TRHDE: variants seen among roughly 807,000 people sequenced by gnomAD.
TRHDE encodes thyrotropin-releasing hormone-degrading ectoenzyme.
Under a neutral mutation model 125.7 loss-of-function variants are expected in TRHDE, and 72 were observed. That is an observed-to-expected ratio of 0.57 (90% CI 0.47 to 0.70). The LOEUF (loss-of-function observed/expected upper bound fraction) is 0.70, where lower values mean the gene tolerates loss of function less well. Ranked by LOEUF, TRHDE falls within the 30% of genes least tolerant of loss-of-function variation. The pLI is 0.00. For synonymous variants in TRHDE, 509 were observed against 509.1 expected (o/e 1.00, Z 0.00); for missense variants, 1,110 against 1,327.1 (o/e 0.84, Z 2.54).
At chr12:72,314,955 CT>C (rs2135703676) in intron 2 of TRHDE, among the ~76,000 whole-genome samples, 1 of 152,182 alleles carries the variant, frequency 6.6e-6, no homozygotes, top group Non-Finnish European at 1.5e-5. Context: ...CCACAAATAC[CT>C]TTTAATATAA....
At chr12:72,268,204 A>G (rs1035607746), upstream of TRHDE, among the ~76,000 whole-genome samples, 1 of 152,102 alleles carries the variant, frequency 6.6e-6, no homozygotes, top group African/African-American at 2.4e-5. Flanking sequence ...TCAGAAACAT[A>G]TCCCTCTCAT....
At chr12:72,163,013 C>T (rs593263) in intron 2 of TRHDE, 3 of 150,852 alleles carry the variant, frequency 2.0e-5, no homozygotes, top group Admixed American at 6.6e-5. Context: ...ATTTCTACAA[C>T]TGTTCTCGAA....
At chr12:72,111,106 C>T (rs1385319) in intron 2 of TRHDE, among the ~76,000 whole-genome samples, 108,307 of 152,040 alleles carry the variant, frequency 0.71, 39,943 homozygotes, top group Non-Finnish European at 0.81. Context: ...GAATCTGAGG[C>T]ACACTTTAGT....
At chr12:72,246,353 A>G (rs1878576371) in intron 2 of TRHDE, among the ~76,000 whole-genome samples, 3 of 152,176 alleles carry the variant, frequency 2.0e-5, no homozygotes. Context: ...GTGAGAAGTG[A>G]CATGCACTTA....
Position 72,555,466 on chromosome 12 carries a change from A to G in TRHDE, c.1789-6699A>G, listed in dbSNP as rs980645706. On this transcript the variant is annotated intron_variant, in intron 7 of 18. Transcript: ENST00000261180. ...TGGAAACCTAATATAATTTAATAAT[A>G]AAGGTTTCAATAATTATACCTTTTC... 1.2e-4 allele frequency among the ~76,000 whole-genome samples: 7 copies of G among 58,820 alleles called. No homozygotes were observed. The African/African-American group carries it at 1.6e-3, about 14-fold the overall frequency. 38.6% of individuals were successfully genotyped at this position (58,820 alleles called of 152,430 possible).
At chr12:72,091,237 ATGGACCCCTCTGAGAG>A (rs1413309733) in intron 1 of TRHDE, among the ~76,000 whole-genome samples, 1 of 152,014 alleles carries the variant, frequency 6.6e-6, no homozygotes, top group East Asian at 1.9e-4. Context: ...TTCTTGCATT[ATGGACCCCTCTGAGAG>A]TGTAATAAAA....
intron 5 of TRHDE, among the ~76,000 whole-genome samples, chr12:72,495,132 CCT>C (rs1285001481): frequency 9.3e-6 from 1 of 107,662 alleles, no homozygotes; most frequent in Non-Finnish European, 1.8e-5. Context: ...CTGAGTATTT[CCT>C]CTCTTTCATC....
At chr12:72,535,679 T>A (rs531294287) in intron 6 of TRHDE, among the ~76,000 whole-genome samples, 3 of 151,866 alleles carry the variant, frequency 2.0e-5, no homozygotes, top group Non-Finnish European at 4.4e-5. Context: ...AGCTATCATA[T>A]TATTATGGAA....
chr12:72,345,270 A>T (rs1870265992), intron 2 of TRHDE, among the ~76,000 whole-genome samples: 2 of 152,228 alleles, frequency 1.3e-5, no homozygotes, highest in South Asian at 4.1e-4. Context: ...TAGACAATGA[A>T]GAAAAAATAA....
intron 3 of TRHDE, among the ~76,000 whole-genome samples, chr12:72,435,199 A>T (rs1874684599): frequency 6.6e-6 from 1 of 152,244 alleles, no homozygotes; most frequent in African/African-American, 2.4e-5. Context: ...ACGAATTAAA[A>T]AGAAATTCTG....
intron 3 of TRHDE, among the ~76,000 whole-genome samples, chr12:72,463,809 G>T (rs1466939945): frequency 6.6e-6 from 1 of 152,122 alleles, no homozygotes; most frequent in Admixed American, 6.6e-5. Flanking sequence ...ATATTAGAGT[G>T]CATTTCTAGC....
intron 2 of TRHDE, among the ~76,000 whole-genome samples, chr12:72,318,637 A>G (rs1349361858): frequency 6.6e-6 from 1 of 152,086 alleles, no homozygotes; most frequent in Non-Finnish European, 1.5e-5. Context: ...AGTTGCTAGG[A>G]GTGCAGTGTA....
rs977533192 is a variant in TRHDE, at chr12:72,272,384, G to A, written c.-260G>A. On this transcript the variant is annotated 5_prime_UTR_variant, in exon 1 of 19. Transcript: ENST00000261180. The surrounding 1 kb of genome is among the most constrained non-coding windows in gnomAD (Gnocchi z 6.7). ...GGTGCTCGTCCGAGAAGTAGCGCGC[G>A]CTGGGCAAGCAAGACGCTTTCCAAG... is the stretch of plus-strand genomic sequence containing the variant. The A allele has an allele frequency of 1.8e-5, 7 of 386,342 alleles. No homozygotes were observed. Among genetic ancestry groups the A allele is most frequent in the Non-Finnish European group, 3.5e-5 (7 of 200,782 alleles). The allele number at this position is 386,342 out of a possible 1,614,324, so 23.9% of individuals were successfully genotyped here. A position where few individuals can be genotyped will look rare whatever the true frequency, so the allele number is the denominator to read the frequency against.
chr12:72,235,470 A>G (rs1276353129), intron 2 of TRHDE, among the ~76,000 whole-genome samples: 1 of 152,174 alleles, frequency 6.6e-6, no homozygotes, highest in African/African-American at 2.4e-5. Context: ...ACTCTTAACC[A>G]TACTACGCTA....
In TRHDE at chr12:72,273,151, C is replaced by T. The variant is rs767570436; in HGVS notation, c.508C>T (p.Pro170Ser). The change falls in exon 1 of 19, where the codon CCG (proline) becomes TCG (serine). Residue 170 changes from proline (P) to serine (S), a missense_variant. Transcript: ENST00000261180. This position sits in a 1 kb window ranked among gnomAD's most constrained non-coding sequence, Gnocchi z 5.3. ...ASPGTTSAQP[P>S]SEEEREPWEP... ...TCCGGGGACCACGTCGGCCCAGCCG[C>T]CGTCGGAGGAGGAGCGGGAGCCGTG... 60 of 1,573,130 alleles carry T rather than the reference C, an allele frequency of 3.8e-5. No individual in the cohort carries two copies. The highest frequency in any genetic ancestry group is 4.7e-5 in the Non-Finnish European group (54 of 1,157,798).
chr12:72,315,209 C>T lies in TRHDE; in HGVS notation c.1188+28255C>T, dbSNP rs1363022054. ...TTTTCTCAGCTACTTGCCTCAAACC[C>T]TTTGCATAATTTAGGTGAGGAAGAT... On this transcript the variant is annotated intron_variant, in intron 2 of 18. Coordinates refer to ENST00000261180, the MANE Select transcript of TRHDE (RefSeq NM_013381.3). Among the ~76,000 whole-genome samples, 5 of 152,270 alleles carry T rather than the reference C, an allele frequency of 3.3e-5. No individual in the cohort carries two copies. In the East Asian group the frequency reaches 7.7e-4, roughly 23 times the overall value.
chr12:72,312,323 A>AT (rs1200859050), intron 2 of TRHDE, among the ~76,000 whole-genome samples: 1 of 152,166 alleles, frequency 6.6e-6, no homozygotes, highest in Non-Finnish European at 1.5e-5. Flanking sequence ...CAACTTTATG[A>AT]TTATGTACAA....
chr12:72,152,097 G>A (rs935055900), intron 2 of TRHDE, among the ~76,000 whole-genome samples: 1 of 151,714 alleles, frequency 6.6e-6, no homozygotes, highest in African/African-American at 2.4e-5. Context: ...AGTTCTCCTT[G>A]AAAAGGTCCT....
chr12:72,539,568 T>G (rs1291094314), intron 6 of TRHDE, among the ~76,000 whole-genome samples: 1 of 151,894 alleles, frequency 6.6e-6, no homozygotes, highest in Non-Finnish European at 1.5e-5. Context: ...GACACAGTTT[T>G]TTCTCTGGGC....
Sources: gnomAD v4.1 joint callset for allele counts (sites outside exome capture counted in the v4.1 genomes callset) on GRCh38, gnomAD v4.1.1 for gene constraint, Gnocchi (gnomAD v3.1) non-coding constraint, MANE v1.5 for transcripts, NCBI Gene and HGNC (gene_info 2026-07-23, HGNC 2026-07-21) for gene names.